MINDY4: variants seen among roughly 807,000 people sequenced by gnomAD.
The protein encoded by MINDY4 is MINDY lysine 48 deubiquitinase 4.
A neutral mutation model predicts 87.0 loss-of-function variants in MINDY4; 68 were observed. That is an observed-to-expected ratio of 0.78 (90% CI 0.64 to 0.96). The LOEUF (loss-of-function observed/expected upper bound fraction) is 0.96, where lower values mean the gene tolerates loss of function less well. MINDY4 is among the 40% of genes least tolerant of loss of function. The pLI is 0.00. For synonymous variants in MINDY4, 379 were observed against 363.2 expected, an observed-to-expected ratio of 1.04 and a Z score of -0.50; for missense variants, 919 against 928.2, an observed-to-expected ratio of 0.99 and a Z score of 0.13.
At chr7:30,855,594 C>T (rs111927915) in intron 12 of MINDY4, among the ~76,000 whole-genome samples, 1,935 of 152,326 alleles carry the variant, frequency 0.013, 16 homozygotes, top group Middle Eastern at 0.044. Flanking sequence ...CTTGTAGCTG[C>T]CCACTGATGG....
chr7:30,851,460 A>G (rs1789410841), intron 10 of MINDY4, among the ~76,000 whole-genome samples: 2 of 152,248 alleles, frequency 1.3e-5, no homozygotes, highest in African/African-American at 4.8e-5. Flanking sequence ...CATTTTATCA[A>G]TATGAATAGC....
rs372934472 is a variant in MINDY4 at position 30,861,394 on chromosome 7, T to A, written c.1745+2070T>A. ...AGCAGCCCTGTTAGGTGGGTGCTGCTGTGAGTGCTGTCACCATCCCTGTTT... is the reference window on the plus strand; with the variant it reads ...AGCAGCCCTGTTAGGTGGGTGCTGCAGTGAGTGCTGTCACCATCCCTGTTT... On this transcript the variant is annotated intron_variant, in intron 13 of 17. Transcript: ENST00000265299. Among the ~76,000 whole-genome samples, 126 of 152,370 alleles carry A rather than the reference T, an allele frequency of 8.3e-4. 4 individuals are homozygous for A. In the South Asian group the frequency reaches 0.02, roughly 24 times the overall value.
In MINDY4 at chr7:30,771,456, C is replaced by G; in HGVS notation, c.-38C>G. 6.3e-7 allele frequency: 1 copy of G among 1,586,716 alleles called. No homozygotes were observed. The highest frequency in any genetic ancestry group is 1.2e-5 in the South Asian group (1 of 86,486). On this transcript the variant is annotated 5_prime_UTR_variant, in exon 1 of 18. Coordinates refer to ENST00000265299, the MANE Select transcript of MINDY4 (RefSeq NM_032222.3). ...AGACCCAGTTGCCTGGTGCTGCGGCCCGGCGTGGGCCTCGTGGGCAGAGCC... is the reference window on the plus strand; with the variant it reads ...AGACCCAGTTGCCTGGTGCTGCGGCGCGGCGTGGGCCTCGTGGGCAGAGCC...
At chr7:30,808,741 C>T (rs1272917629) in intron 5 of MINDY4, among the ~76,000 whole-genome samples, 1 of 152,182 alleles carries the variant, frequency 6.6e-6, no homozygotes, top group Non-Finnish European at 1.5e-5. Context: ...ACAAGGTAAC[C>T]TGTAAGCCAG....
chr7:30,845,564 A>G (rs1335422137), intron 9 of MINDY4, among the ~76,000 whole-genome samples: 1 of 150,808 alleles, frequency 6.6e-6, no homozygotes, highest in Middle Eastern at 3.2e-3. Context: ...TTCTTCAGGA[A>G]CACCACGATG....
Position 30,875,618 on chromosome 7 carries a change from G to A in MINDY4, c.1933G>A (p.Gly645Ser). ...AGGCATTGCTGCACGCAGTGATATT[G>A]GCTTCTTATCTCTCTTTGAGCATTA... The part of the protein sequence containing the change: ...LRGIAARSDI[G>S]FLSLFEHYNM... The change falls in exon 15 of 18, where the codon GGC becomes AGC. Residue 645 changes from glycine to serine, a missense_variant. Gly to Ser is a moderately conservative substitution (Grantham distance 56). Transcript: ENST00000265299. 5.0e-6 allele frequency: 8 copies of A among 1,613,916 alleles called. No homozygotes were observed. Among genetic ancestry groups the A allele is most frequent in the Non-Finnish European group, 6.8e-6 (8 of 1,179,904 alleles).
chr7:30,810,475 G>A (rs929139443), intron 5 of MINDY4, among the ~76,000 whole-genome samples: 3 of 151,960 alleles, frequency 2.0e-5, no homozygotes, highest in Admixed American at 6.6e-5. Context: ...TTTTTTGAAG[G>A]TTTAAGCAAG....
chr7:30,824,341 A>T (rs571352877), intron 5 of MINDY4, among the ~76,000 whole-genome samples: 1 of 152,284 alleles, frequency 6.6e-6, no homozygotes, highest in East Asian at 1.9e-4. Flanking sequence ...GATCCCATTA[A>T]TCCATTCATG....
chr7:30,774,830 C>T (rs1442397804), intron 1 of MINDY4, among the ~76,000 whole-genome samples: 2 of 151,992 alleles, frequency 1.3e-5, no homozygotes, highest in Non-Finnish European at 2.9e-5. Flanking sequence ...CTCTGGTGGG[C>T]TCAAGGACTT....
At chr7:30,860,909 A>G (rs569942172) in intron 13 of MINDY4, among the ~76,000 whole-genome samples, 1 of 152,136 alleles carries the variant, frequency 6.6e-6, no homozygotes, top group Non-Finnish European at 1.5e-5. Context: ...CCTCATGCTT[A>G]TGGGCCTGAA....
chr7:30,817,406 A>AT (rs1471453889), intron 5 of MINDY4, among the ~76,000 whole-genome samples: 3 of 147,780 alleles, frequency 2.0e-5, no homozygotes, highest in Non-Finnish European at 4.5e-5. Flanking sequence ...CATTAAAAAA[A>AT]TTTTTTTTAG....
chr7:30,855,954 G>T (rs1400552945), intron 12 of MINDY4, among the ~76,000 whole-genome samples: 3 of 152,240 alleles, frequency 2.0e-5, no homozygotes, highest in Non-Finnish European at 4.4e-5. Context: ...CATGGCCTGG[G>T]CCTAAGAGGG....
chr7:30,888,335 C>T (rs554300471), intron 17 of MINDY4, among the ~76,000 whole-genome samples: 1 of 152,314 alleles, frequency 6.6e-6, no homozygotes, highest in African/African-American at 2.4e-5. Context: ...TTTTAGTTGT[C>T]ACAGCCCTGG....
At chr7:30,840,520 C>G (rs894389430) in intron 8 of MINDY4, among the ~76,000 whole-genome samples, 1 of 152,208 alleles carries the variant, frequency 6.6e-6, no homozygotes. Flanking sequence ...AGTCACTTTC[C>G]TCCCATGACA....
chr7:30,792,531 A>G (rs918512378), intron 5 of MINDY4, among the ~76,000 whole-genome samples: 10 of 152,350 alleles, frequency 6.6e-5, no homozygotes, highest in Non-Finnish European at 1.2e-4. Context: ...TATGTGTTCA[A>G]TTAAAAACTT....
chr7:30,820,246 C>G (rs1788287996), intron 5 of MINDY4, among the ~76,000 whole-genome samples: 1 of 152,036 alleles, frequency 6.6e-6, no homozygotes, highest in Non-Finnish European at 1.5e-5. Context: ...TTTTAACTGG[C>G]AAGTTTAATT....
chr7:30,784,686 C>T (rs904841632), intron 3 of MINDY4, among the ~76,000 whole-genome samples: 3 of 152,200 alleles, frequency 2.0e-5, no homozygotes, highest in Non-Finnish European at 4.4e-5. Context: ...CTCTTGCTGC[C>T]TGGTTCTCTC....
chr7:30,878,780 C>T (rs905852359), intron 15 of MINDY4, among the ~76,000 whole-genome samples: 2 of 152,224 alleles, frequency 1.3e-5, no homozygotes, highest in African/African-American at 4.8e-5. Context: ...ATCCTCCTCC[C>T]ATCCTCCCCA....
chr7:30,832,782 A>G (rs956756693), intron 6 of MINDY4, among the ~76,000 whole-genome samples: 7 of 152,140 alleles, frequency 4.6e-5, no homozygotes, highest in Admixed American at 4.6e-4. Context: ...TGTTGGGATT[A>G]CAGGCATGAG....
Sources: allele counts gnomAD v4.1 joint callset (sites outside exome capture counted in the v4.1 genomes callset), GRCh38; gene constraint gnomAD v4.1.1; transcripts MANE v1.5; gene names NCBI Gene and HGNC (gene_info 2026-07-23, HGNC 2026-07-21).